Variants in SLC37A1 observed in about 807,000 individuals in gnomAD.
The protein encoded by SLC37A1 is glucose-6-phosphate exchanger SLC37A1.
SLC37A1 carries 49 observed loss-of-function variants against 75.3 expected under a neutral mutation model. That is an observed-to-expected ratio of 0.65 (90% confidence interval 0.52 to 0.83). SLC37A1 has a LOEUF of 0.83. SLC37A1 is among the 40% of genes least tolerant of loss of function. The pLI, the probability that SLC37A1 is intolerant of heterozygous loss-of-function variation, is 0.00. For missense variants in SLC37A1, 566 were observed against 695.0 expected, an observed-to-expected ratio of 0.81 and a Z score of 2.09; for synonymous variants, 268 against 292.1, an observed-to-expected ratio of 0.92 and a Z score of 0.84.
At chr21:42,565,290 C>G (rs1043536005) in intron 14 of SLC37A1, among the ~76,000 whole-genome samples, 1 of 152,268 alleles carries the variant, frequency 6.6e-6, no homozygotes, top group East Asian at 1.9e-4. Flanking sequence ...CTGTTTTTAT[C>G]ATCGTAACAT....
At chr21:42,554,606 G>A (rs79759276) in intron 10 of SLC37A1, among the ~76,000 whole-genome samples, 3,082 of 150,960 alleles carry the variant, frequency 0.02, 108 homozygotes, top group African/African-American at 0.073. Context: ...GGGGCGCACG[G>A]TGGGCTGGCC....
intron 18 of SLC37A1, chr21:42,575,343 C>T (rs1056082647): frequency 2.5e-5 from 25 of 985,378 alleles, no homozygotes; most frequent in Non-Finnish European, 3.0e-5. Context: ...TCATCAGTGT[C>T]CTGGTGTCCC....
At chr21:42,510,859 T>G (rs2054426373), upstream of SLC37A1, among the ~76,000 whole-genome samples, 1 of 152,162 alleles carries the variant, frequency 6.6e-6, no homozygotes, top group African/African-American at 2.4e-5. Flanking sequence ...AAATATATAT[T>G]AACGGAACTC....
chr21:42,527,381 G>C (rs2054823628), intron 3 of SLC37A1, among the ~76,000 whole-genome samples: 1 of 152,054 alleles, frequency 6.6e-6, no homozygotes, highest in Non-Finnish European at 1.5e-5. Context: ...CTTTCCTGGT[G>C]GTCCATCTCA....
chr21:42,546,985 C>T (rs2055423848), intron 8 of SLC37A1, 118 bp from the exon 9 acceptor site: 6 of 1,169,182 alleles, frequency 5.1e-6, no homozygotes, highest in Non-Finnish European at 5.1e-6. Flanking sequence ...GTGAATCCTG[C>T]ATACAGTCCA....
intron 13 of SLC37A1, 53 bp from the exon 14 acceptor site, chr21:42,564,655 C>G: frequency 3.4e-6 from 5 of 1,464,122 alleles, no homozygotes; most frequent in South Asian, 1.1e-5. Flanking sequence ...GCTTCCTCCC[C>G]GTGGGCTCAT....
intron 5 of SLC37A1, 25 bp downstream of exon 5, chr21:42,535,575 C>A (rs749935978): frequency 1.2e-6 from 2 of 1,600,930 alleles, no homozygotes; most frequent in Admixed American, 1.7e-5. Flanking sequence ...GTTTTCCAGA[C>A]CCTTCCTGGT....
chr21:42,566,945 G>T, intron 15 of SLC37A1, 40 bp from the exon 16 acceptor site: 1 of 1,589,180 alleles, frequency 6.3e-7, no homozygotes. Context: ...GGGCTCTCTG[G>T]AGGGCACATT....
At chr21:42,561,648 G>A (rs529719984) in intron 11 of SLC37A1, 88 of 166,778 alleles carry the variant, frequency 5.3e-4, no homozygotes, top group Non-Finnish European at 8.8e-4. Flanking sequence ...AATCAAACCC[G>A]TCCATGTTTG....
At chr21:42,569,912 C>T (rs547182982) in intron 17 of SLC37A1, among the ~76,000 whole-genome samples, 75 of 152,392 alleles carry the variant, frequency 4.9e-4, no homozygotes, top group Middle Eastern at 3.4e-3. Context: ...CCCCGCCCAG[C>T]CCTGGGTGGC....
At chr21:42,500,256 T>TG (rs2054329364) in intron 1 of SLC37A1, among the ~76,000 whole-genome samples, 1 of 152,260 alleles carries the variant, frequency 6.6e-6, no homozygotes, top group Non-Finnish European at 1.5e-5. Context: ...TGCATATTTA[T>TG]AAACAAACAT....
chr21:42,521,363 G>C (rs2054645066), intron 2 of SLC37A1, among the ~76,000 whole-genome samples: 1 of 152,252 alleles, frequency 6.6e-6, no homozygotes, highest in African/African-American at 2.4e-5. Context: ...GATTTTGGGA[G>C]GGCTGTTTGG....
At chr21:42,529,236 T>C (rs888072824) in intron 3 of SLC37A1, among the ~76,000 whole-genome samples, 3 of 152,138 alleles carry the variant, frequency 2.0e-5, no homozygotes, top group African/African-American at 4.8e-5. Flanking sequence ...GCACAACTGG[T>C]TATTCGTCAG....
chr21:42,574,923 G>A lies in SLC37A1; in HGVS notation c.1521+8G>A, dbSNP rs778530931. On this transcript the variant is annotated splice_region_variant and intron_variant, in intron 18 of 19. Transcript: ENST00000352133. ...GATGCCTGTGCCTTACTGGTAAGTCGGCCTATTTTTAGTCCAATCCACCTT... is the reference window on the plus strand; with the variant it reads ...GATGCCTGTGCCTTACTGGTAAGTCAGCCTATTTTTAGTCCAATCCACCTT... 43 of 1,613,726 alleles carry A rather than the reference G, an allele frequency of 2.7e-5. No individual in the cohort carries two copies. The East Asian group carries it at 4.2e-4, about 16-fold the overall frequency.
intron 10 of SLC37A1, among the ~76,000 whole-genome samples, chr21:42,557,784 C>CTTT (rs66963176): frequency 1.3e-5 from 2 of 149,078 alleles, no homozygotes; most frequent in African/African-American, 4.9e-5. Context: ...TTACCATTTT[C>CTTT]TTTTTTTTTT....
chr21:42,516,913 C>G (rs1190545461), intron 1 of SLC37A1, among the ~76,000 whole-genome samples: 2 of 152,204 alleles, frequency 1.3e-5, no homozygotes, highest in African/African-American at 4.8e-5. Context: ...CAGAGTAGAT[C>G]CAGACCCATT....
intron 18 of SLC37A1, chr21:42,575,379 G>C (rs951212256): frequency 5.1e-6 from 5 of 985,336 alleles, no homozygotes; most frequent in Non-Finnish European, 4.8e-6. Context: ...GTCAGACGGC[G>C]GGAGCGGCCC....
At chr21:42,527,069 G>A (rs1158529277) in intron 3 of SLC37A1, among the ~76,000 whole-genome samples, 1 of 152,102 alleles carries the variant, frequency 6.6e-6, no homozygotes, top group African/African-American at 2.4e-5. Context: ...AGGATCTGGT[G>A]TAGTTGGGGA....
rs766393970 is a variant in SLC37A1, at chr21:42,542,449, A to G, written c.532A>G (p.Thr178Ala). ...VQTTGWPSVV[T>A]CLGNWFGKGR... ...GACCACCGGCTGGCCCAGCGTCGTCACCTGCCTCGGCAACTGGTTTGGAAA... is the reference window on the plus strand; with the variant it reads ...GACCACCGGCTGGCCCAGCGTCGTCGCCTGCCTCGGCAACTGGTTTGGAAA... The change falls in exon 7 of 20, where the codon ACC becomes GCC. Residue 178 changes from threonine to alanine, a missense_variant. Coordinates refer to ENST00000352133, the MANE Select transcript of SLC37A1 (RefSeq NM_001320537.2). 6.2e-7 allele frequency: 1 copy of G among 1,613,986 alleles called. No individual in the cohort carries two copies. The highest frequency in any genetic ancestry group is 1.7e-5 in the Admixed American group (1 of 60,016).
Sources: gnomAD v4.1 joint callset for allele counts (sites outside exome capture counted in the v4.1 genomes callset) on GRCh38, gnomAD v4.1.1 for gene constraint, MANE v1.5 for transcripts, NCBI Gene and HGNC (gene_info 2026-07-23, HGNC 2026-07-21) for gene names.